B4GALNT2: variants seen among roughly 807,000 people sequenced by gnomAD.
B4GALNT2 encodes N-acetylneuraminylgalactosylglucosyl-glucoside beta-1,4-N- acetylgalactosaminyltransferase 2.
In B4GALNT2, 42 loss-of-function variants were observed where a neutral mutation model predicts 51.1. The ratio of observed to expected loss-of-function variants is 0.82; its 90% CI spans 0.64 to 1.06. The LOEUF (loss-of-function observed/expected upper bound fraction) is 1.06, where lower values mean the gene tolerates loss of function less well. Among genes scored for constraint, B4GALNT2 ranks in the 50% least tolerant of loss-of-function variants. B4GALNT2 has a pLI of 0.00. For missense variants in B4GALNT2, 602 were observed against 633.6 expected (o/e 0.95, Z 0.54); for synonymous variants, 253 against 251.7 (o/e 1.01, Z -0.05).
At position 49,164,084 on chromosome 17, in the gene B4GALNT2, C is replaced by CT. The variant is rs1265745006; in HGVS notation, c.767-4_767-3insT. On this transcript the variant is annotated splice_region_variant and splice_polypyrimidine_tract_variant and intron_variant, in intron 7 of 10. Coordinates refer to ENST00000393354, the MANE Select transcript of B4GALNT2 (RefSeq NM_001159387.2). ...AGCTCTGACACCCACTGTTTTCTGC[C>CT]CAGAGAGGAAGCTCAGAAACCTGGT... 3 of 1,613,362 alleles carry CT rather than the reference C, an allele frequency of 1.9e-6. No individual in the cohort carries two copies. Among genetic ancestry groups the CT allele is most frequent in the East Asian group, 2.2e-5 (1 of 44,852 alleles).
intron 5 of B4GALNT2, among the ~76,000 whole-genome samples, chr17:49,156,859 C>T (rs929519346): frequency 2.0e-4 from 31 of 152,220 alleles, no homozygotes; most frequent in African/African-American, 6.0e-4. Flanking sequence ...CAAGAGGAAG[C>T]GGCCACTACA....
At chr17:49,153,945 T>C (rs1048691358) in intron 4 of B4GALNT2, among the ~76,000 whole-genome samples, 3 of 152,104 alleles carry the variant, frequency 2.0e-5, no homozygotes, top group Admixed American at 1.3e-4. Context: ...TAGGACATAA[T>C]TGGCTTTTCA....
chr17:49,138,694 T>G (rs1173012234), intron 1 of B4GALNT2, among the ~76,000 whole-genome samples: 1 of 152,130 alleles, frequency 6.6e-6, no homozygotes, highest in East Asian at 1.9e-4. Context: ...CTGGCCAACA[T>G]GGTGAAACCC....
At chr17:49,154,442 C>A (rs1270343159) in intron 4 of B4GALNT2, among the ~76,000 whole-genome samples, 1 of 152,052 alleles carries the variant, frequency 6.6e-6, no homozygotes, top group Non-Finnish European at 1.5e-5. Context: ...GATGAGCCTG[C>A]AGGCACAGAT....
At chr17:49,130,759 A>G (rs556956527), upstream of B4GALNT2, among the ~76,000 whole-genome samples, 8 of 152,286 alleles carry the variant, frequency 5.3e-5, no homozygotes, top group South Asian at 1.4e-3. Context: ...TATTCCTTCT[A>G]GGGTACATAT....
intron 1 of B4GALNT2, among the ~76,000 whole-genome samples, chr17:49,135,263 G>C (rs1167380095): frequency 6.6e-6 from 1 of 151,936 alleles, no homozygotes; most frequent in East Asian, 1.9e-4. Flanking sequence ...TCACTTATTT[G>C]CTTATTCCTG....
chr17:49,120,910 C>T, the B4GALNT2 span, among the ~76,000 whole-genome samples: 77,804 of 151,836 alleles, frequency 0.51, 20,320 homozygotes, highest in Middle Eastern at 0.62. Context: ...ACCTTCCCCA[C>T]GATTGAGGAC....
chr17:49,150,476 A>G (rs551188254), intron 3 of B4GALNT2, among the ~76,000 whole-genome samples: 1 of 152,294 alleles, frequency 6.6e-6, no homozygotes, highest in East Asian at 1.9e-4. Flanking sequence ...TTTGTGGAAT[A>G]GAAAGCGGGG....
chr17:49,149,443 C>T (rs569465725), intron 3 of B4GALNT2, among the ~76,000 whole-genome samples: 39 of 151,944 alleles, frequency 2.6e-4, no homozygotes, highest in Non-Finnish European at 4.0e-4. Flanking sequence ...GCCAGGAGTT[C>T]GATACCAGCC....
At chr17:49,141,124 A>AT in intron 1 of B4GALNT2, 123 bp from the exon 2 acceptor site, 1 of 874,654 alleles carries the variant, frequency 1.1e-6, no homozygotes, top group Non-Finnish European at 1.8e-6. Flanking sequence ...TCAGAAATCG[A>AT]TTTTAGTGAC....
chr17:49,133,065 G>A (rs2144262517), intron 1 of B4GALNT2: 1 of 1,507,548 alleles, frequency 6.6e-7, no homozygotes, highest in Non-Finnish European at 8.8e-7. Context: ...ATTCCACGTG[G>A]AAGTGGCCTC....
intron 5 of B4GALNT2, among the ~76,000 whole-genome samples, chr17:49,158,497 GT>G (rs2042830950): frequency 6.6e-6 from 1 of 152,082 alleles, no homozygotes; most frequent in African/African-American, 2.4e-5. Flanking sequence ...AATTAGCCAC[GT>G]GTGGTGGCTC....
Position 49,136,927 on chromosome 17 carries a change from T to C in B4GALNT2, c.14+4121T>C, listed in dbSNP as rs546084710. On this transcript the variant is annotated intron_variant, in intron 1 of 10. Transcript: ENST00000393354. The stretch of plus-strand genomic sequence containing the variant: ...ACTACAAGCATACATTCTTACACAT[T>C]AAACTAATATCAATACACATCACAA... Among the ~76,000 whole-genome samples, 3 of 152,228 alleles carry C rather than the reference T, an allele frequency of 2.0e-5. No homozygotes were observed. In the South Asian group the frequency reaches 6.2e-4, roughly 32 times the overall value.
rs771850763 is a variant in B4GALNT2, at chr17:49,169,571, A to G, written c.1364A>G (p.Glu455Gly). ...ACCCTACTCGTGGGGTCATGCCCAG[A>G]AGTGATTATAGGTCACCAGTCTCGG... ...LGTLLVGSCPEVIIGHQSRSP... is the reference protein window; with the variant it reads ...LGTLLVGSCPGVIIGHQSRSP... The change falls in exon 11 of 11, where the codon GAA (glutamate) becomes GGA (glycine). Residue 455 changes from glutamate (E) to glycine (G), a missense_variant. Transcript: ENST00000393354. The G allele has an allele frequency of 2.3e-5, 37 of 1,612,758 alleles. No individual in the cohort carries two copies. In the East Asian group the frequency reaches 8.2e-4, roughly 36 times the overall value.
chr17:49,163,395 C>T (rs879908968), intron 7 of B4GALNT2, among the ~76,000 whole-genome samples: 8 of 152,092 alleles, frequency 5.3e-5, no homozygotes, highest in Non-Finnish European at 1.2e-4. Context: ...TTCTCCTCTT[C>T]CTGGGCTTCA....
chr17:49,175,120 TGG>T lies in B4GALNT2; in HGVS notation c.*5394_*5395del, dbSNP rs1348499463. On this transcript the variant is annotated 3_prime_UTR_variant, in exon 11 of 11. Coordinates refer to ENST00000393354, the MANE Select transcript of B4GALNT2 (RefSeq NM_001159387.2). ...CCAACTCCAACTATGTTAAATTGAG[TGG>T]GTTGAATTTGCCACGTGGACAGCCA... 6.6e-6 allele frequency: 1 copy of T among 152,126 alleles called. No homozygotes were observed. The highest frequency in any genetic ancestry group is 1.5e-5 in the Non-Finnish European group (1 of 68,026). The allele number at this position is 152,126 out of a possible 1,614,324, so 9.4% of individuals were successfully genotyped here.
At chr17:49,129,188 G>T (rs555983241), upstream of B4GALNT2, among the ~76,000 whole-genome samples, 188 of 107,000 alleles carry the variant, frequency 1.8e-3, no homozygotes, top group African/African-American at 6.5e-3. Context: ...GAAAGAGAGA[G>T]ACAGAGAGAG....
At position 49,156,626 on chromosome 17, in the gene B4GALNT2, C is replaced by G. The variant is rs148865659; in HGVS notation, c.498+23C>G. On this transcript the variant is annotated intron_variant, in intron 5 of 10. Transcript: ENST00000393354. The stretch of plus-strand genomic sequence containing the variant: ...GAGGTGAGTCCTTCTCCCAGCCCCT[C>G]TTTGCACTTGGTGTCCTGTCCTCAT... 3.1e-6 allele frequency: 5 copies of G among 1,612,464 alleles called. No homozygotes were observed. In the Admixed American group the frequency reaches 5.0e-5, roughly 16 times the overall value.
chr17:49,122,786 T>G, the B4GALNT2 span, among the ~76,000 whole-genome samples: 2 of 152,172 alleles, frequency 1.3e-5, no homozygotes, highest in Non-Finnish European at 2.9e-5. Context: ...GGATAATAAT[T>G]AAGCAAAATG....
Sources: gnomAD v4.1 joint callset for allele counts (sites outside exome capture counted in the v4.1 genomes callset) on GRCh38, gnomAD v4.1.1 for gene constraint, MANE v1.5 for transcripts, NCBI Gene and HGNC (gene_info 2026-07-23, HGNC 2026-07-21) for gene names.